The following AKAP19 variants were observed in gnomAD, a reference collection of about 807,000 sequenced individuals.
AKAP19 encodes small A-kinase anchoring protein.
At chr2:190,174,004 A>C in the AKAP19 span, among the ~76,000 whole-genome samples, 1 of 151,748 alleles carries the variant, frequency 6.6e-6, no homozygotes, top group Non-Finnish European at 1.5e-5. Context: ...ATCCTTAGTC[A>C]CCTGCTCTGT....
the AKAP19 span, among the ~76,000 whole-genome samples, chr2:189,975,065 C>A: frequency 6.6e-6 from 1 of 152,346 alleles, no homozygotes; most frequent in East Asian, 1.9e-4. Context: ...GATGCAGTTT[C>A]TTCCTAGCAC....
chr2:189,923,983 C>G, the AKAP19 span: 44,634 of 1,599,060 alleles, frequency 0.028, no homozygotes, highest in Non-Finnish European at 0.032. Context: ...TAGAGATGAA[C>G]AATGTTAAGT....
chr2:190,001,410 A>G, the AKAP19 span, among the ~76,000 whole-genome samples: 1 of 152,182 alleles, frequency 6.6e-6, no homozygotes, highest in Non-Finnish European at 1.5e-5. Context: ...TTTCTGTGGA[A>G]AACTGTACAG....
At chr2:190,123,124 TA>T in the AKAP19 span, among the ~76,000 whole-genome samples, 1 of 152,152 alleles carries the variant, frequency 6.6e-6, no homozygotes, top group Non-Finnish European at 1.5e-5. Context: ...AAATATAGAA[TA>T]TTCAAGAAAT....
chr2:189,909,318 G>C, the AKAP19 span, among the ~76,000 whole-genome samples: 3 of 136,746 alleles, frequency 2.2e-5, no homozygotes, highest in East Asian at 4.3e-4. Flanking sequence ...TTCAGTCACT[G>C]TATCTTTTGA....
the AKAP19 span, among the ~76,000 whole-genome samples, chr2:189,888,622 A>G: frequency 6.6e-6 from 1 of 152,140 alleles, no homozygotes; most frequent in South Asian, 2.1e-4. Context: ...TTCCTTGAGC[A>G]GTGGTTTGTA....
At chr2:190,081,871 C>G in the AKAP19 span, among the ~76,000 whole-genome samples, 1 of 152,042 alleles carries the variant, frequency 6.6e-6, no homozygotes, top group Non-Finnish European at 1.5e-5. Flanking sequence ...TTAACAGAAC[C>G]ACATCTTTCG....
chr2:190,129,082 T>C, the AKAP19 span, among the ~76,000 whole-genome samples: 1 of 152,218 alleles, frequency 6.6e-6, no homozygotes, highest in Non-Finnish European at 1.5e-5. Flanking sequence ...TTTCTTAGAA[T>C]TCAGCACATG....
At chr2:190,033,171 G>C in the AKAP19 span, among the ~76,000 whole-genome samples, 1 of 152,108 alleles carries the variant, frequency 6.6e-6, no homozygotes, top group East Asian at 1.9e-4. Flanking sequence ...CTTTAGCCAG[G>C]TGGGACCATA....
At chr2:189,976,608 G>C in the AKAP19 span, among the ~76,000 whole-genome samples, 1 of 152,236 alleles carries the variant, frequency 6.6e-6, no homozygotes, top group Non-Finnish European at 1.5e-5. Context: ...GCCTCCTTGA[G>C]CTGCGGTGGG....
the AKAP19 span, among the ~76,000 whole-genome samples, chr2:189,887,587 C>T: frequency 6.6e-6 from 1 of 152,234 alleles, no homozygotes; most frequent in Non-Finnish European, 1.5e-5. Flanking sequence ...CTCCTGCCAA[C>T]AGCATAAAAG....
chr2:190,111,571 G>A, the AKAP19 span, among the ~76,000 whole-genome samples: 2 of 152,164 alleles, frequency 1.3e-5, no homozygotes, highest in Non-Finnish European at 2.9e-5. Flanking sequence ...TATTTTGAGA[G>A]ATTAAGTCTT....
At chr2:190,067,984 T>G in the AKAP19 span, among the ~76,000 whole-genome samples, 1 of 152,022 alleles carries the variant, frequency 6.6e-6, no homozygotes, top group Non-Finnish European at 1.5e-5. Flanking sequence ...ATTGGATCAT[T>G]TGAGGTCAGA....
At chr2:190,147,739 G>GTT in the AKAP19 span, among the ~76,000 whole-genome samples, 1,028 of 148,834 alleles carry the variant, frequency 6.9e-3, 1 homozygote, top group Middle Eastern at 0.024. Flanking sequence ...TATTTCTAAG[G>GTT]TTTTTTTTTT....
chr2:190,192,366 T>C, the AKAP19 span, among the ~76,000 whole-genome samples: 1 of 152,010 alleles, frequency 6.6e-6, no homozygotes, highest in Non-Finnish European at 1.5e-5. Flanking sequence ...TTCTTAACAT[T>C]AGATAATAGG....
At chr2:190,130,078 A>G in the AKAP19 span, among the ~76,000 whole-genome samples, 3 of 152,318 alleles carry the variant, frequency 2.0e-5, no homozygotes, top group East Asian at 5.8e-4. Context: ...CATATTAGAG[A>G]TGAACAAACT....
the AKAP19 span, among the ~76,000 whole-genome samples, chr2:190,068,994 G>T: frequency 6.6e-6 from 1 of 152,114 alleles, no homozygotes; most frequent in Non-Finnish European, 1.5e-5. Flanking sequence ...CCATACTAGG[G>T]AGTTGCCATG....
the AKAP19 span, chr2:190,199,642 C>T: frequency 6.8e-6 from 8 of 1,168,972 alleles, no homozygotes; most frequent in Admixed American, 1.5e-4. Flanking sequence ...GCCACTCAAT[C>T]ATACACTATT....
chr2:189,907,768 T>C, the AKAP19 span, among the ~76,000 whole-genome samples: 1 of 152,076 alleles, frequency 6.6e-6, no homozygotes, highest in Non-Finnish European at 1.5e-5. Context: ...ATCATATATA[T>C]ATAAAACCTA....
Sources: gnomAD v4.1 joint callset for allele counts (sites outside exome capture counted in the v4.1 genomes callset) on GRCh38, gnomAD v4.1.1 for gene constraint, MANE v1.5 for transcripts, NCBI Gene and HGNC (gene_info 2026-07-23, HGNC 2026-07-21) for gene names.